Variants in MCCC1 observed in about 807,000 individuals in gnomAD.
The protein encoded by MCCC1 is methylcrotonyl-CoA carboxylase subunit 1.
Under a neutral mutation model 83.8 loss-of-function variants are expected in MCCC1, and 64 were observed. The observed-to-expected ratio is 0.76, with a 90% CI of 0.62 to 0.94. MCCC1 has a LOEUF of 0.94. MCCC1 is among the 40% of genes least tolerant of loss of function. The probability of loss-of-function intolerance (pLI) is 0.00; values close to 1 mark genes in which losing one functional copy is unlikely to be tolerated. For missense variants in MCCC1, 807 were observed against 904.7 expected, an observed-to-expected ratio of 0.89 and a Z score of 1.39; for synonymous variants, 322 against 315.4, an observed-to-expected ratio of 1.02 and a Z score of -0.22.
intron 14 of MCCC1, among the ~76,000 whole-genome samples, chr3:183,031,153 C>G (rs1308889352): frequency 6.6e-6 from 1 of 152,178 alleles, no homozygotes; most frequent in Non-Finnish European, 1.5e-5. Context: ...TCTGGTGTGA[C>G]TTTTGGAAAA....
exon 1 of MCCC1, chr3:183,115,901 T>C (rs1275240284): frequency 6.6e-6 from 1 of 151,818 alleles, no homozygotes; most frequent in Non-Finnish European, 1.5e-5. Context: ...TCTTGGCGTA[T>C]TGGACAAATA....
intron 16 of MCCC1, among the ~76,000 whole-genome samples, chr3:183,021,140 C>T (rs1472179227): frequency 6.6e-6 from 1 of 152,218 alleles, no homozygotes; most frequent in Non-Finnish European, 1.5e-5. Flanking sequence ...AGCATCCCCA[C>T]TCTCAGATGC....
chr3:183,030,953 C>T (rs569583090), intron 14 of MCCC1, among the ~76,000 whole-genome samples: 3 of 152,254 alleles, frequency 2.0e-5, no homozygotes, highest in Non-Finnish European at 2.9e-5. Flanking sequence ...ATTTAACTGG[C>T]GCGAATGCCA....
chr3:183,088,316 C>G (rs904934427), intron 3 of MCCC1, among the ~76,000 whole-genome samples: 1 of 151,636 alleles, frequency 6.6e-6, no homozygotes, highest in Non-Finnish European at 1.5e-5. Flanking sequence ...GAGCGATTCT[C>G]CTGCCTCAGC....
chr3:183,061,031 G>A (rs1339924381), intron 7 of MCCC1, among the ~76,000 whole-genome samples: 1 of 152,156 alleles, frequency 6.6e-6, no homozygotes, highest in Non-Finnish European at 1.5e-5. Flanking sequence ...ATTCATCAGG[G>A]CAGAGCACTC....
At chr3:183,059,216 T>C (rs1157431623) in intron 7 of MCCC1, among the ~76,000 whole-genome samples, 1 of 152,094 alleles carries the variant, frequency 6.6e-6, no homozygotes, top group African/African-American at 2.4e-5. Flanking sequence ...CTGAGAGGCA[T>C]GAGAATCACT....
chr3:183,084,106 A>G (rs1396417344), intron 4 of MCCC1, among the ~76,000 whole-genome samples: 3 of 152,236 alleles, frequency 2.0e-5, no homozygotes, highest in Admixed American at 1.3e-4. Context: ...GGGTCTTGCT[A>G]TCTTCTACAG....
chr3:183,099,294 G>A, intron 1 of MCCC1, 58 bp downstream of exon 1: 2 of 1,534,880 alleles, frequency 1.3e-6, no homozygotes, highest in Non-Finnish European at 1.8e-6. Flanking sequence ...CCGCTCACGC[G>A]GGTCCGTGCA....
At chr3:183,100,170 T>A (rs1007481205), upstream of MCCC1, among the ~76,000 whole-genome samples, 5 of 151,952 alleles carry the variant, frequency 3.3e-5, no homozygotes, top group African/African-American at 1.2e-4. Context: ...TAGAGAAAAA[T>A]GCACATTTGA....
intron 7 of MCCC1, among the ~76,000 whole-genome samples, chr3:183,065,305 A>T (rs754352002): frequency 7.9e-5 from 12 of 151,948 alleles, no homozygotes; most frequent in Non-Finnish European, 1.3e-4. Context: ...GTCTTTTCAC[A>T]ATGGTATACC....
intron 9 of MCCC1, among the ~76,000 whole-genome samples, chr3:183,046,140 C>A (rs1714539837): frequency 6.6e-6 from 1 of 152,156 alleles, no homozygotes; most frequent in Non-Finnish European, 1.5e-5. Flanking sequence ...AATCACAGAA[C>A]CACAATGAAA....
chr3:183,099,741 C>A (rs186507089), upstream of MCCC1, among the ~76,000 whole-genome samples: 20 of 152,312 alleles, frequency 1.3e-4, no homozygotes, highest in Middle Eastern at 3.4e-3. Context: ...CCATCCTCCC[C>A]CTCTTGGTTG....
At chr3:183,063,137 C>T (rs562754316) in intron 7 of MCCC1, among the ~76,000 whole-genome samples, 2 of 151,838 alleles carry the variant, frequency 1.3e-5, no homozygotes, top group South Asian at 2.1e-4. Context: ...GCGTCCACCA[C>T]CACACCTGGC....
intron 15 of MCCC1, 58 bp downstream of exon 15, chr3:183,025,697 C>T: frequency 1.4e-6 from 2 of 1,393,548 alleles, no homozygotes; most frequent in Admixed American, 1.7e-5. Flanking sequence ...AGACCCTATT[C>T]AGTATAAAAG....
In MCCC1 at chr3:183,057,304, T is replaced by C; in HGVS notation, c.873+7A>G. On this transcript the variant is annotated splice_region_variant and intron_variant, in intron 8 of 18. Transcript: ENST00000265594. The stretch of plus-strand genomic sequence containing the variant: ...GAAGCTTACAAATTTCTTTCCAAGG[T>C]CCTTACCGCTGGGGCCTCCTCAATG... The C allele has an allele frequency of 6.3e-7, 1 of 1,587,330 alleles. No homozygotes were observed. The highest frequency in any genetic ancestry group is 8.6e-7 in the Non-Finnish European group (1 of 1,162,178).
At position 183,111,983 on chromosome 3, in the gene MCCC1, T is replaced by G. The variant is rs574216621; in HGVS notation, c.-102+3491A>C. Among the ~76,000 whole-genome samples, 16 of 152,146 alleles carry G rather than the reference T, an allele frequency of 1.1e-4. No homozygotes were observed. The South Asian group carries it at 3.3e-3, about 32-fold the overall frequency. On this transcript the variant is annotated intron_variant, in intron 1 of 17. Transcript: ENST00000492597. ...TTTTGAAACATTGTTTTGGCTTTCC[T>G]AAATTTAAAAAAAAAAACATTCCTC...
At chr3:183,052,315 T>C in intron 8 of MCCC1, 75 bp from the exon 9 acceptor site, 2 of 1,275,330 alleles carry the variant, frequency 1.6e-6, no homozygotes, top group Admixed American at 1.7e-5. Context: ...TTCAATTCAG[T>C]CAGGTGCCAC....
intron 7 of MCCC1, among the ~76,000 whole-genome samples, chr3:183,063,995 A>G (rs1560249043): frequency 6.6e-6 from 1 of 152,166 alleles, no homozygotes; most frequent in East Asian, 1.9e-4. Context: ...ATAAAAGGCA[A>G]GGATGCTTGA....
chr3:183,015,339 A>G lies in MCCC1; in HGVS notation c.*99T>C. The G allele has an allele frequency of 7.7e-7, 1 of 1,301,512 alleles. No individual in the cohort carries two copies. The highest frequency in any genetic ancestry group is 1.2e-5 in the South Asian group (1 of 84,248). 80.6% of individuals were successfully genotyped at this position (1,301,512 alleles called of 1,614,324 possible). On this transcript the variant is annotated 3_prime_UTR_variant, in exon 19 of 19. Transcript: ENST00000265594. ...CAGCATAAGCATACAATCATTTAGT[A>G]AAACTGCTCTTTATGAGACCCCCAG... is the stretch of plus-strand genomic sequence containing the variant.
Sources: gnomAD v4.1 joint callset for allele counts (sites outside exome capture counted in the v4.1 genomes callset) on GRCh38, gnomAD v4.1.1 for gene constraint, MANE v1.5 for transcripts, NCBI Gene and HGNC (gene_info 2026-07-23, HGNC 2026-07-21) for gene names.